Variants in SBNO2 observed in about 807,000 individuals in gnomAD.
SBNO2 encodes the protein strawberry notch homolog 2, also known as protein strawberry notch homolog 2.
In SBNO2, 89 loss-of-function variants were observed where a neutral mutation model predicts 146.3. That is an observed-to-expected ratio of 0.61 (90% CI 0.51 to 0.73). The LOEUF (loss-of-function observed/expected upper bound fraction) is 0.73, where lower values mean the gene tolerates loss of function less well. SBNO2 is among the 30% of genes least tolerant of loss of function. The pLI is 0.00. For missense variants in SBNO2, 2,092 were observed against 2,003.7 expected, an observed-to-expected ratio of 1.04 and a Z score of -0.84; for synonymous variants, 1,147 against 892.6, an observed-to-expected ratio of 1.29 and a Z score of -5.08.
At chr19:1,127,561 C>T (rs756511933) in intron 5 of SBNO2, 43 bp downstream of exon 5, 39 of 1,594,230 alleles carry the variant, frequency 2.4e-5, no homozygotes, top group South Asian at 1.1e-4. Flanking sequence ...GGGGAGGCCA[C>T]GCTGGTGGGT....
At chr19:1,164,900 G>C (rs1599884064) in intron 1 of SBNO2, among the ~76,000 whole-genome samples, 1 of 146,206 alleles carries the variant, frequency 6.8e-6, no homozygotes, top group Non-Finnish European at 1.5e-5. Flanking sequence ...GGAGGAGGAG[G>C]AGGAGGAGGC....
intron 4 of SBNO2, chr19:1,128,199 AC>A: frequency 2.0e-6 from 1 of 495,526 alleles, no homozygotes; most frequent in Admixed American, 2.1e-5. Flanking sequence ...GCCACGCAGG[AC>A]GGCGTCTGAC....
chr19:1,111,537 T>C lies in SBNO2; in HGVS notation c.2778A>G (p.Gly926=). The C allele has an allele frequency of 6.3e-7, 1 of 1,592,304 alleles. No homozygotes were observed. The highest frequency in any genetic ancestry group is 1.8e-5 in the Admixed American group (1 of 57,120). The change falls in exon 24 of 32, where the codon GGA becomes GGG. Residue 926 remains glycine (G), a synonymous_variant. Coordinates refer to ENST00000361757, the MANE Select transcript of SBNO2 (RefSeq NM_014963.3). The part of the protein sequence containing the change: ...QTENKVPVPQ[G]YPGGVPTFFR... The stretch of plus-strand genomic sequence containing the variant: ...AGAAGGTGGGGACCCCTCCAGGGTA[T>C]CCCTGGGGCACAGGCACTTTGTTCT...
Position 1,109,582 on chromosome 19 carries a change from C to CCG in SBNO2, c.3138_3139dup (p.Gly1047AlafsTer3). The CCG allele has an allele frequency of 6.3e-7, 1 of 1,590,968 alleles. No individual in the cohort carries two copies. Among genetic ancestry groups the CCG allele is most frequent in the Non-Finnish European group, 8.5e-7 (1 of 1,170,232 alleles). ...GGCAAAGGCGTCCTCCCACTTCAGG[C>CCG]CGCGGTCCACGCTGATCTGCCACGG... is the stretch of plus-strand genomic sequence containing the variant. On this transcript the variant is annotated frameshift_variant, in exon 28 of 32. Transcript: ENST00000361757. LOFTEE classifies it high-confidence loss of function. The surrounding 1 kb of genome is among the most constrained non-coding windows in gnomAD (Gnocchi z 4.2).
At position 1,117,412 on chromosome 19, in the gene SBNO2, C is replaced by T; in HGVS notation, c.1615G>A (p.Ala539Thr). ...RKSLWGQFWS[A>T]HQRFFKYLCI... ...AGATACTTGAAGAAGCGCTGGTGTG[C>T]CGACCAGAACTGGCCCCACAGGGAC... Residue 539 changes from alanine (A) to threonine (T), a missense_variant, in exon 15 of 32, where the codon GCA becomes ACA. Ala to Thr is a moderately conservative substitution (Grantham distance 58). Coordinates refer to ENST00000361757, the MANE Select transcript of SBNO2 (RefSeq NM_014963.3). 1.9e-6 allele frequency: 3 copies of T among 1,589,648 alleles called. No homozygotes were observed. The highest frequency in any genetic ancestry group is 1.7e-6 in the Non-Finnish European group (2 of 1,169,584).
At chr19:1,116,134 A>G (rs2079829431) in intron 16 of SBNO2, 31 bp from the exon 17 acceptor site, 3 of 1,584,434 alleles carry the variant, frequency 1.9e-6, no homozygotes, top group Non-Finnish European at 2.6e-6. Context: ...TTATTCTCAC[A>G]CGAGGAGCTG....
intron 1 of SBNO2, among the ~76,000 whole-genome samples, chr19:1,170,707 G>T (rs2080469065): frequency 6.6e-6 from 1 of 151,920 alleles, no homozygotes; most frequent in Non-Finnish European, 1.5e-5. Context: ...CACAAGCAGG[G>T]GTGCATGAGA....
In SBNO2 at chr19:1,114,238, G is replaced by A. The variant is rs767071563; in HGVS notation, c.2070C>T (p.Asp690=). 1.4e-5 allele frequency: 21 copies of A among 1,493,420 alleles called. No individual in the cohort carries two copies. The highest frequency in any genetic ancestry group is 1.7e-4 in the Middle Eastern group (1 of 5,788). The allele number at this position is 1,493,420 out of a possible 1,614,324, so 92.5% of individuals were successfully genotyped here. ...VIVDAVGLPS[D]DRGPLCLLQR... is the part of the protein sequence containing the mutation. ...GCCTGGGCAAGCCCTCACCCCGGTC[G>A]TCACTGGGGAGCCCGACTGCATCAA... Residue 690 remains aspartate (D), a synonymous_variant, in exon 18 of 32, where the codon GAC becomes GAT. Transcript: ENST00000361757.
At chr19:1,161,906 C>CGGGGGGGGGG (rs916715232) in intron 1 of SBNO2, among the ~76,000 whole-genome samples, 2 of 1,344 alleles carry the variant, frequency 1.5e-3, no homozygotes, top group Non-Finnish European at 3.2e-3. Flanking sequence ...TGGGGAGCCG[C>CGGGGGGGGGG]GGGGGGGGGG....
At chr19:1,152,543 G>A (rs561471866) in intron 2 of SBNO2, among the ~76,000 whole-genome samples, 4 of 152,164 alleles carry the variant, frequency 2.6e-5, no homozygotes, top group South Asian at 2.1e-4. Flanking sequence ...GAGCTCCACC[G>A]GGGCAGCTGT....
chr19:1,130,448 C>T (rs946852084), intron 4 of SBNO2, among the ~76,000 whole-genome samples: 20 of 151,752 alleles, frequency 1.3e-4, no homozygotes, highest in African/African-American at 2.9e-4. Flanking sequence ...GCTATAATTG[C>T]GCCACTGCAC....
At chr19:1,151,238 C>CA in intron 2 of SBNO2, among the ~76,000 whole-genome samples, 1 of 152,364 alleles carries the variant, frequency 6.6e-6, no homozygotes, top group Non-Finnish European at 1.5e-5. Flanking sequence ...GTCTCAGGCA[C>CA]ACACGGCGCC....
intron 3 of SBNO2, among the ~76,000 whole-genome samples, chr19:1,148,329 A>G (rs1433934507): frequency 6.6e-6 from 1 of 151,846 alleles, no homozygotes; most frequent in Non-Finnish European, 1.5e-5. Context: ...GCTGCTCCAC[A>G]ATCTCCTGGA....
rs1225325124 is a variant in SBNO2, at chr19:1,157,372, C to T, written c.-126-2970G>A. Among the ~76,000 whole-genome samples, 2 of 142,884 alleles carry T rather than the reference C, an allele frequency of 1.4e-5. No individual in the cohort carries two copies. Among genetic ancestry groups the T allele is most frequent in the Admixed American group, 1.4e-4 (2 of 14,292 alleles). 93.7% of individuals were successfully genotyped at this position (142,884 alleles called of 152,430 possible). On this transcript the variant is annotated intron_variant, in intron 1 of 31. Transcript: ENST00000361757. This position sits in a 1 kb window ranked among gnomAD's most constrained non-coding sequence, Gnocchi z 6.8. ...CTCTCCCCACGCGGCCCCGGAGACCCTCTGCCACGCAGCCCCGGAGACGCT... is the reference window on the plus strand; with the variant it reads ...CTCTCCCCACGCGGCCCCGGAGACCTTCTGCCACGCAGCCCCGGAGACGCT...
intron 7 of SBNO2, 48 bp downstream of exon 7, chr19:1,123,485 CA>C: frequency 1.3e-6 from 2 of 1,539,748 alleles, no homozygotes; most frequent in Non-Finnish European, 1.8e-6. Flanking sequence ...CTCGGTCCCA[CA>C]AAAGGGTTTG....
At position 1,123,062 on chromosome 19, in the gene SBNO2, G is replaced by A. The variant is rs1163985003; in HGVS notation, c.629-17C>T. The A allele has an allele frequency of 7.6e-6, 12 of 1,588,854 alleles. No homozygotes were observed. Among genetic ancestry groups the A allele is most frequent in the Admixed American group, 7.1e-5 (4 of 56,220 alleles). On this transcript the variant is annotated splice_polypyrimidine_tract_variant and intron_variant, in intron 7 of 31. Transcript: ENST00000361757. Reference sequence around the variant, plus strand: ...CGATCTTGGCTGGAGGAGCAAGGACGGAGGGCAAGGTAAAGGGTATGGCCA... The same window carrying A: ...CGATCTTGGCTGGAGGAGCAAGGACAGAGGGCAAGGTAAAGGGTATGGCCA...
At chr19:1,124,955 C>T (rs959321982) in intron 5 of SBNO2, among the ~76,000 whole-genome samples, 4 of 151,918 alleles carry the variant, frequency 2.6e-5, no homozygotes, top group African/African-American at 7.3e-5. Context: ...GACCCCGGGA[C>T]GGATGGCTGG....
intron 24 of SBNO2, 145 bp from the exon 25 acceptor site, chr19:1,111,238 G>GCT: frequency 1.1e-6 from 1 of 938,234 alleles, no homozygotes; most frequent in African/African-American, 1.7e-5. Context: ...CAGGAGCGGA[G>GCT]CCTTTTGCCT....
At chr19:1,146,551 C>T (rs974535977) in intron 4 of SBNO2, among the ~76,000 whole-genome samples, 1 of 151,952 alleles carries the variant, frequency 6.6e-6, no homozygotes, top group African/African-American at 2.4e-5. Context: ...CCTCGCTCCC[C>T]GGCAGGCCCT....
Sources: gnomAD v4.1 joint callset for allele counts (sites outside exome capture counted in the v4.1 genomes callset) on GRCh38, gnomAD v4.1.1 for gene constraint, Gnocchi (gnomAD v3.1) non-coding constraint, MANE v1.5 for transcripts, NCBI Gene and HGNC (gene_info 2026-07-23, HGNC 2026-07-21) for gene names.